The following COL19A1 variants were observed in gnomAD, a reference collection of about 807,000 sequenced individuals.
COL19A1 encodes the protein collagen alpha-1(XIX) chain.
A neutral mutation model predicts 190.2 loss-of-function variants in COL19A1; 159 were observed. The ratio of observed to expected loss-of-function variants is 0.84; its 90% CI spans 0.73 to 0.95. The LOEUF is 0.95. COL19A1 is among the 40% of genes least tolerant of loss of function. The pLI is 0.00. For synonymous variants in COL19A1, 509 were observed against 458.9 expected, an observed-to-expected ratio of 1.11 and a Z score of -1.39; for missense variants, 1,418 against 1,431.9, an observed-to-expected ratio of 0.99 and a Z score of 0.16.
intron 46 of COL19A1, 76 bp downstream of exon 46, chr6:70,184,991 T>G: frequency 1.4e-6 from 2 of 1,417,854 alleles, no homozygotes; most frequent in Non-Finnish European, 2.0e-6. Context: ...TACACAATTA[T>G]GTGTGTAGAC....
At chr6:70,163,074 A>C (rs1165918861) in intron 35 of COL19A1, among the ~76,000 whole-genome samples, 1 of 152,204 alleles carries the variant, frequency 6.6e-6, no homozygotes, top group Non-Finnish European at 1.5e-5. Context: ...GCAAGACTAG[A>C]TTCTTAAGTG....
chr6:69,917,966 GAA>G (rs1204202101), intron 4 of COL19A1, among the ~76,000 whole-genome samples: 2 of 152,146 alleles, frequency 1.3e-5, no homozygotes, highest in Non-Finnish European at 2.9e-5. Context: ...AGACCTCTGG[GAA>G]AGACTGTCCC....
intron 12 of COL19A1, among the ~76,000 whole-genome samples, chr6:70,029,331 T>A (rs1230511114): frequency 6.6e-6 from 1 of 152,170 alleles, no homozygotes; most frequent in East Asian, 1.9e-4. Context: ...CTACCCGCTT[T>A]TATAATTCTA....
At chr6:69,903,922 A>T (rs1054834969) in intron 4 of COL19A1, among the ~76,000 whole-genome samples, 1 of 152,202 alleles carries the variant, frequency 6.6e-6, no homozygotes, top group Non-Finnish European at 1.5e-5. Context: ...TTAACATAAC[A>T]TCATTAATAA....
intron 36 of COL19A1, among the ~76,000 whole-genome samples, chr6:70,165,649 T>C (rs1024199524): frequency 2.6e-5 from 4 of 152,144 alleles, no homozygotes; most frequent in Non-Finnish European, 5.9e-5. Context: ...GCACTGGAAG[T>C]CCAGGACATG....
intron 17 of COL19A1, among the ~76,000 whole-genome samples, chr6:70,127,971 T>C (rs1785302069): frequency 6.6e-6 from 1 of 152,234 alleles, no homozygotes; most frequent in South Asian, 2.1e-4. Context: ...AATTGTAGAA[T>C]GGAATTCCTG....
At chr6:70,137,849 G>A in intron 19 of COL19A1, 102 bp downstream of exon 19, 5 of 1,083,336 alleles carry the variant, frequency 4.6e-6, no homozygotes, top group South Asian at 4.1e-5. Flanking sequence ...GGTTGATCCT[G>A]TCATGGGAAA....
At chr6:70,135,868 G>A (rs1375630192) in intron 18 of COL19A1, among the ~76,000 whole-genome samples, 3 of 152,166 alleles carry the variant, frequency 2.0e-5, no homozygotes, top group Non-Finnish European at 4.4e-5. Flanking sequence ...TTCTGAAAGA[G>A]TTCAGGTTCT....
chr6:70,188,570 AC>A (rs1766669547), intron 47 of COL19A1, among the ~76,000 whole-genome samples: 2 of 152,146 alleles, frequency 1.3e-5, no homozygotes, highest in South Asian at 4.1e-4. Context: ...ATGGCTTCAA[AC>A]CCACGCTTTT....
intron 11 of COL19A1, among the ~76,000 whole-genome samples, chr6:69,993,928 GT>G (rs201240664): frequency 1.3e-5 from 2 of 149,016 alleles, no homozygotes; most frequent in African/African-American, 2.5e-5. Flanking sequence ...TCTTTTGTAT[GT>G]TTTTTTTTGC....
At chr6:70,182,171 A>G (rs1766216598) in intron 44 of COL19A1, among the ~76,000 whole-genome samples, 1 of 152,202 alleles carries the variant, frequency 6.6e-6, no homozygotes, top group Admixed American at 6.5e-5. Context: ...AGAAGTAATG[A>G]CAGTGGAAAC....
intron 17 of COL19A1, among the ~76,000 whole-genome samples, chr6:70,127,546 A>G (rs1324027047): frequency 6.6e-6 from 1 of 152,138 alleles, no homozygotes. Flanking sequence ...GGGTGATTAT[A>G]TTAGTCTGTT....
chr6:70,126,586 AAG>A (rs1785211131), intron 17 of COL19A1, among the ~76,000 whole-genome samples: 1 of 152,204 alleles, frequency 6.6e-6, no homozygotes, highest in African/African-American at 2.4e-5. Flanking sequence ...GCAGATAACT[AAG>A]AGGTTCGGCT....
rs141899984 is a variant in COL19A1 at position 70,045,005 on chromosome 6, T to C, written c.1170+9066T>C. ...ATGTTTTCCTTCCTGTCCTTGGGAA[T>C]ACTTTTAATAGCTACTTTAAAATCT... On this transcript the variant is annotated intron_variant, in intron 14 of 50. Transcript: ENST00000620364. Among the ~76,000 whole-genome samples the C allele has an allele frequency of 9.9e-5, 15 of 152,282 alleles. No homozygotes were observed. The East Asian group carries it at 2.9e-3, about 29-fold the overall frequency.
chr6:69,884,944 C>G (rs1457013060), intron 2 of COL19A1, among the ~76,000 whole-genome samples: 1 of 151,838 alleles, frequency 6.6e-6, no homozygotes, highest in Non-Finnish European at 1.5e-5. Context: ...GCAACCTCCA[C>G]CTCTGCCTCC....
rs989414241 is a variant in COL19A1, at chr6:70,088,753, G to A, written c.1225-13416G>A. 2.6e-5 allele frequency among the ~76,000 whole-genome samples: 4 copies of A among 152,206 alleles called. No homozygotes were observed. The South Asian group carries it at 8.3e-4, about 32-fold the overall frequency. ...TGAGCTCCTCGAGGGCAAGATCTGT[G>A]TATAATTTTTCTCTTTACTCTCCAA... On this transcript the variant is annotated intron_variant, in intron 15 of 50. Transcript: ENST00000620364.
At chr6:70,139,717 T>G (rs1370249379) in intron 19 of COL19A1, among the ~76,000 whole-genome samples, 1 of 151,938 alleles carries the variant, frequency 6.6e-6, no homozygotes, top group African/African-American at 2.4e-5. Context: ...AATGGCAAAT[T>G]TTCCCCCACC....
intron 4 of COL19A1, among the ~76,000 whole-genome samples, chr6:69,912,886 G>A (rs751330310): frequency 1.2e-4 from 18 of 152,112 alleles, no homozygotes; most frequent in South Asian, 1.0e-3. Context: ...CCAGGAGTTC[G>A]AGATCAGCTT....
chr6:70,018,861 T>C (rs1302844505), intron 11 of COL19A1, among the ~76,000 whole-genome samples: 2 of 152,148 alleles, frequency 1.3e-5, no homozygotes, highest in Non-Finnish European at 2.9e-5. Flanking sequence ...CACTAATTCC[T>C]GTCACCCTTT....
Sources: allele counts gnomAD v4.1 joint callset (sites outside exome capture counted in the v4.1 genomes callset), GRCh38; gene constraint gnomAD v4.1.1; transcripts MANE v1.5; gene names NCBI Gene and HGNC (gene_info 2026-07-23, HGNC 2026-07-21).